The following PDE7A variants were observed in gnomAD, a reference collection of about 807,000 sequenced individuals.
PDE7A encodes the protein high affinity 3',5'-cyclic-AMP phosphodiesterase 7A.
A neutral mutation model predicts 64.3 loss-of-function variants in PDE7A; 39 were observed. The ratio of observed to expected loss-of-function variants is 0.61; its 90% CI spans 0.47 to 0.79. The LOEUF is 0.79. Among genes scored for constraint, PDE7A ranks in the 30% least tolerant of loss-of-function variants. PDE7A has a pLI of 0.00. For missense variants in PDE7A, 470 were observed against 582.8 expected, an observed-to-expected ratio of 0.81 and a Z score of 1.99; for synonymous variants, 203 against 206.8, an observed-to-expected ratio of 0.98 and a Z score of 0.16.
intron 7 of PDE7A, among the ~76,000 whole-genome samples, chr8:65,732,670 T>C (rs934365969): frequency 5.3e-5 from 8 of 152,196 alleles, no homozygotes; most frequent in African/African-American, 1.9e-4. Context: ...CACACCACCA[T>C]GCCCATCTAA....
intron 5 of PDE7A, among the ~76,000 whole-genome samples, chr8:65,743,793 C>G (rs1807545119): frequency 6.6e-6 from 1 of 152,094 alleles, no homozygotes; most frequent in South Asian, 2.1e-4. Flanking sequence ...GCACTGACTT[C>G]CTCTCAGTGT....
chr8:65,822,871 G>A (rs1262377164), intron 1 of PDE7A, among the ~76,000 whole-genome samples: 3 of 152,084 alleles, frequency 2.0e-5, no homozygotes, highest in Non-Finnish European at 4.4e-5. Context: ...ATAATGCATA[G>A]TAATTTAACA....
intron 1 of PDE7A, among the ~76,000 whole-genome samples, chr8:65,791,606 T>C (rs1809704579): frequency 1.3e-5 from 2 of 152,202 alleles, no homozygotes; most frequent in Admixed American, 1.3e-4. Flanking sequence ...AGTTAATAGG[T>C]TGGCTCCCTA....
At chr8:65,739,889 C>T (rs1433164456) in intron 5 of PDE7A, among the ~76,000 whole-genome samples, 1 of 152,026 alleles carries the variant, frequency 6.6e-6, no homozygotes, top group Admixed American at 6.5e-5. Flanking sequence ...TGAGAATAGA[C>T]AATAGAAAAC....
At chr8:65,775,167 G>A (rs1343645580) in intron 3 of PDE7A, among the ~76,000 whole-genome samples, 5 of 152,062 alleles carry the variant, frequency 3.3e-5, no homozygotes, top group Non-Finnish European at 4.4e-5. Flanking sequence ...GAGTATGCAC[G>A]TTAGCTCCAT....
chr8:65,718,252 A>G lies in PDE7A; in HGVS notation c.*1038T>C, dbSNP rs944872018. ...CAAATCTTTGCCCACATGGAGAAAC[A>G]TAACATGCACAGTCACACATGCACA... On this transcript the variant is annotated 3_prime_UTR_variant, in exon 13 of 13. Transcript: ENST00000401827. 2 of 152,298 alleles carry G rather than the reference A, an allele frequency of 1.3e-5. No homozygotes were observed. The highest frequency in any genetic ancestry group is 4.8e-5 in the African/African-American group (2 of 41,462). The allele number at this position is 152,298 out of a possible 1,614,324, so 9.4% of individuals were successfully genotyped here.
rs1806271033 is a variant in PDE7A, at chr8:65,719,183, C to T, written c.*107G>A. The T allele has an allele frequency of 1.4e-6, 1 of 727,802 alleles. No individual in the cohort carries two copies. Among genetic ancestry groups the T allele is most frequent in the South Asian group, 1.6e-5 (1 of 61,508 alleles). The allele number at this position is 727,802 out of a possible 1,614,324, so 45.1% of individuals were successfully genotyped here. ...AAATAAATAATGCTGGCTGGCATCACTCACTTGGAAACCTTGGCAGTCAAG... is the reference window on the plus strand; with the variant it reads ...AAATAAATAATGCTGGCTGGCATCATTCACTTGGAAACCTTGGCAGTCAAG... On this transcript the variant is annotated 3_prime_UTR_variant, in exon 13 of 13. Transcript: ENST00000401827.
chr8:65,728,738 T>G (rs149653825), intron 7 of PDE7A: 15 of 152,186 alleles, frequency 9.9e-5, no homozygotes, highest in Non-Finnish European at 4.4e-5. Flanking sequence ...TTAGGCAGTA[T>G]GCAAAGGGGT....
chr8:65,785,768 TTAAAA>T (rs1363975002), intron 1 of PDE7A, among the ~76,000 whole-genome samples: 5 of 152,212 alleles, frequency 3.3e-5, no homozygotes, highest in Non-Finnish European at 5.9e-5. Flanking sequence ...AAATAACTTG[TTAAAA>T]TAAATTTTAA....
At chr8:65,840,666 G>A (rs1018654665) in intron 1 of PDE7A, among the ~76,000 whole-genome samples, 6 of 152,148 alleles carry the variant, frequency 3.9e-5, no homozygotes. Flanking sequence ...CATCACCACA[G>A]GAAAAAAACA....
chr8:65,775,107 C>T (rs1877639), intron 3 of PDE7A, among the ~76,000 whole-genome samples: 6,601 of 152,134 alleles, frequency 0.043, 227 homozygotes, highest in African/African-American at 0.098. Context: ...TAGTCCATTT[C>T]GATTCTTATA....
intron 6 of PDE7A, among the ~76,000 whole-genome samples, chr8:65,736,786 ATC>A (rs1461952422): frequency 3.5e-5 from 4 of 112,974 alleles, no homozygotes; most frequent in Non-Finnish European, 5.7e-5. Flanking sequence ...TAATAAATTT[ATC>A]TGTTTTTTTT....
At chr8:65,779,951 A>G (rs1466062621) in intron 2 of PDE7A, 148 bp from the exon 3 acceptor site, 2 of 424,210 alleles carry the variant, frequency 4.7e-6, no homozygotes, top group African/African-American at 2.0e-5. Context: ...GAGCTGATTT[A>G]TTCAAAAGGG....
chr8:65,775,245 C>G (rs1208429247), intron 3 of PDE7A, among the ~76,000 whole-genome samples: 3 of 152,102 alleles, frequency 2.0e-5, no homozygotes, highest in African/African-American at 7.2e-5. Context: ...TTACAGAGTT[C>G]TACTTTTATT....
At chr8:65,735,335 A>G (rs917479894) in intron 6 of PDE7A, among the ~76,000 whole-genome samples, 2 of 152,082 alleles carry the variant, frequency 1.3e-5, no homozygotes, top group Non-Finnish European at 2.9e-5. Flanking sequence ...TTGAGACAGG[A>G]TCTCACTTCG....
At chr8:65,826,044 A>G (rs1810664875) in intron 1 of PDE7A, among the ~76,000 whole-genome samples, 1 of 152,206 alleles carries the variant, frequency 6.6e-6, no homozygotes, top group Non-Finnish European at 1.5e-5. Context: ...AGCCATGGGA[A>G]GAGCCTGAGT....
At position 65,786,183 on chromosome 8, in the gene PDE7A, T is replaced by C. The variant is rs58077716; in HGVS notation, c.139-3340A>G. The stretch of plus-strand genomic sequence containing the variant: ...ATAGGTCTGTGCAAAATATCCAAGT[T>C]ATTCTATTCATTATAAGGTACTAAT... On this transcript the variant is annotated intron_variant, in intron 1 of 12. Coordinates refer to ENST00000401827, the MANE Select transcript of PDE7A (RefSeq NM_001242318.3). Among the ~76,000 whole-genome samples the C allele has an allele frequency of 9.1e-3, 1,386 of 152,294 alleles. 16 individuals are homozygous for C. Among genetic ancestry groups the C allele is most frequent in the African/African-American group, 0.03 (1,251 of 41,576 alleles).
rs1048341836 is a variant in PDE7A at position 65,716,333 on chromosome 8, C to T, written c.*2957G>A. On this transcript the variant is annotated 3_prime_UTR_variant, in exon 13 of 13. Coordinates refer to ENST00000401827, the MANE Select transcript of PDE7A (RefSeq NM_001242318.3). The stretch of plus-strand genomic sequence containing the variant: ...CTATAAGAGAAACAATGGATCAGAG[C>T]AGAAGCAATCATGTATACAGGCAGA... Among the ~76,000 whole-genome samples the T allele has an allele frequency of 2.6e-5, 4 of 152,088 alleles. No individual in the cohort carries two copies. Among genetic ancestry groups the T allele is most frequent in the African/African-American group, 4.8e-5 (2 of 41,402 alleles).
At chr8:65,834,007 T>C (rs1029418795) in intron 1 of PDE7A, among the ~76,000 whole-genome samples, 10 of 152,144 alleles carry the variant, frequency 6.6e-5, no homozygotes, top group African/African-American at 2.4e-4. Flanking sequence ...ATCTGCCATA[T>C]AGGAGTTACT....
Sources: gnomAD v4.1 joint callset for allele counts (sites outside exome capture counted in the v4.1 genomes callset) on GRCh38, gnomAD v4.1.1 for gene constraint, MANE v1.5 for transcripts, NCBI Gene and HGNC (gene_info 2026-07-23, HGNC 2026-07-21) for gene names.